The following ZZEF1 variants were observed in gnomAD, a reference collection of about 807,000 sequenced individuals.
ZZEF1 encodes zinc finger ZZ-type and EF-hand domain containing 1.
ZZEF1 carries 157 observed loss-of-function variants against 342.8 expected under a neutral mutation model. The observed-to-expected ratio is 0.46, with a 90% confidence interval of 0.40 to 0.52. The LOEUF (loss-of-function observed/expected upper bound fraction) is 0.52, where lower values mean the gene tolerates loss of function less well. Ranked by LOEUF, ZZEF1 falls within the 20% of genes least tolerant of loss-of-function variation. ZZEF1 has a pLI of 0.00. For missense variants in ZZEF1, 3,480 were observed against 3,725.6 expected, an observed-to-expected ratio of 0.93 and a Z score of 1.72; for synonymous variants, 1,505 against 1,429.1, an observed-to-expected ratio of 1.05 and a Z score of -1.20.
At chr17:4,074,397 G>C (rs1480516705) in intron 23 of ZZEF1, 46 bp from the exon 24 acceptor site, 4 of 1,591,150 alleles carry the variant, frequency 2.5e-6, no homozygotes, top group Non-Finnish European at 3.4e-6. Flanking sequence ...TAGAGGAGGA[G>C]TGCTTCAGAA....
At position 4,013,503 on chromosome 17, in the gene ZZEF1, T is replaced by G. The variant is rs761262540; in HGVS notation, c.8525A>C (p.Gln2842Pro). Residue 2842 changes from glutamine to proline, a missense_variant, in exon 52 of 55, where the codon CAA becomes CCA. Physicochemically the swap from Gln to Pro is moderately conservative, Grantham distance 76 (BLOSUM62 -1). This residue lies in a region of ZZEF1 where 1,269 missense variants were observed against 1,342.4 expected (regional missense o/e 0.95). Coordinates refer to ENST00000381638, the MANE Select transcript of ZZEF1 (RefSeq NM_015113.4). ...VGVACRQTGH[Q>P]RLKAIHLLLR... ...AAGTAAGTGGATGGCTTTTAATCGT[T>G]GATGGCCAGTCTGGCGACAGGCCAC... The G allele has an allele frequency of 2.4e-5, 38 of 1,613,842 alleles. No homozygotes were observed. The highest frequency in any genetic ancestry group is 3.1e-5 in the Non-Finnish European group (36 of 1,179,884).
intron 1 of ZZEF1, among the ~76,000 whole-genome samples, chr17:4,128,613 C>T (rs2058614409): frequency 6.6e-6 from 1 of 151,526 alleles, no homozygotes; most frequent in South Asian, 2.1e-4. Context: ...GCATGCACCA[C>T]CACACCTGGC....
At position 4,059,244 on chromosome 17, in the gene ZZEF1, T is replaced by C. The variant is rs754158835; in HGVS notation, c.4930A>G (p.Ile1644Val). ...EGCGADLHKE[I>V]RDTYYQLVLF... ...ACAAGTTGATAGTAAGTGTCTCGAA[T>C]TTCTTTGTGTAGATCAGCACCACAG... is the stretch of plus-strand genomic sequence containing the variant. Residue 1644 changes from isoleucine (I) to valine (V), a missense_variant, in exon 31 of 55, where the codon ATT becomes GTT. By Grantham distance (29) the Ile-to-Val change is conservative (BLOSUM62 3). This residue lies in a region of ZZEF1 where 1,528 missense variants were observed against 1,624.1 expected (regional missense o/e 0.94). Transcript: ENST00000381638. The C allele has an allele frequency of 6.2e-7, 1 of 1,607,868 alleles. No homozygotes were observed. The highest frequency in any genetic ancestry group is 1.1e-5 in the South Asian group (1 of 88,790).
At chr17:4,018,060 AGTT>A in intron 46 of ZZEF1, 89 bp from the exon 47 acceptor site, 2 of 1,538,872 alleles carry the variant, frequency 1.3e-6, no homozygotes, top group Non-Finnish European at 1.8e-6. Context: ...TGTTCTTCAG[AGTT>A]GTTCTTCTGT....
At chr17:4,072,532 G>A (rs1567815161) in intron 25 of ZZEF1, 76 bp downstream of exon 25, 2 of 1,467,216 alleles carry the variant, frequency 1.4e-6, no homozygotes, top group East Asian at 2.4e-5. Context: ...AGAAACACAA[G>A]TGTTTATAAC....
intron 37 of ZZEF1, among the ~76,000 whole-genome samples, chr17:4,048,495 G>A (rs1183868945): frequency 6.6e-6 from 1 of 152,122 alleles, no homozygotes; most frequent in Admixed American, 6.5e-5. Context: ...AAGCTCTGGA[G>A]GCAGCATCAT....
chr17:4,122,778 T>C (rs1475274423), intron 2 of ZZEF1, among the ~76,000 whole-genome samples: 2 of 152,130 alleles, frequency 1.3e-5, no homozygotes, highest in Non-Finnish European at 2.9e-5. Flanking sequence ...CTGTGGTCAA[T>C]AAAGACGCCA....
chr17:4,039,556 C>T (rs1478779024), intron 39 of ZZEF1, among the ~76,000 whole-genome samples: 4 of 151,328 alleles, frequency 2.6e-5, no homozygotes, highest in Non-Finnish European at 5.9e-5. Context: ...CAAACAATGG[C>T]AGAAAGGCAT....
Position 4,006,696 on chromosome 17 carries a change from T to C in ZZEF1, c.*194A>G. The C allele has an allele frequency of 3.0e-6, 2 of 655,756 alleles. No homozygotes were observed. Among genetic ancestry groups the C allele is most frequent in the Non-Finnish European group, 2.7e-6 (1 of 365,326 alleles). The allele number at this position is 655,756 out of a possible 1,614,324, so 40.6% of individuals were successfully genotyped here. A position where few individuals can be genotyped will look rare whatever the true frequency, so the allele number is the denominator to read the frequency against. ...TGCACTGCTTGGCTTATTTTCACCA[T>C]GCTACAGCCTGTGCTTGTGTCCAGC... is the stretch of plus-strand genomic sequence containing the variant. On this transcript the variant is annotated 3_prime_UTR_variant, in exon 55 of 55. Coordinates refer to ENST00000381638, the MANE Select transcript of ZZEF1 (RefSeq NM_015113.4).
In ZZEF1 at chr17:4,141,776, GGGTAACCCT is replaced by G. The variant is rs1243131955; in HGVS notation, c.354+757_354+765del. On this transcript the variant is annotated intron_variant, in intron 1 of 54. Coordinates refer to ENST00000381638, the MANE Select transcript of ZZEF1 (RefSeq NM_015113.4). ...TAGTCTGTTTTACTAATGATTCACT[GGGTAACCCT>G]GGATCAGTCTTCTTAACTCGAAGTG... Among the ~76,000 whole-genome samples, 9 of 151,898 alleles carry G rather than the reference GGGTAACCCT, an allele frequency of 5.9e-5. No individual in the cohort carries two copies. In the South Asian group the frequency reaches 1.7e-3, roughly 28 times the overall value.
In ZZEF1 at chr17:4,086,577, A is replaced by G; in HGVS notation, c.2421T>C (p.Asp807=). ...LQSCFSVLQG[D]VLAASEEEKA... ...TTTCCTCCTCAGAAGCAGCCAGTAC[A>G]TCTCCCTGCAGCACAGAGAAGCAGC... is the stretch of plus-strand genomic sequence containing the variant. Residue 807 remains aspartate, a synonymous_variant, in exon 15 of 55, where the codon GAT becomes GAC. Coordinates refer to ENST00000381638, the MANE Select transcript of ZZEF1 (RefSeq NM_015113.4). 1 of 1,614,194 alleles carries G rather than the reference A, an allele frequency of 6.2e-7. No individual in the cohort carries two copies. The highest frequency in any genetic ancestry group is 8.5e-7 in the Non-Finnish European group (1 of 1,180,022).
chr17:4,076,921 T>G lies in ZZEF1; in HGVS notation c.3058A>C (p.Thr1020Pro). Residue 1020 changes from threonine (T) to proline (P), a missense_variant, in exon 20 of 55, where the codon ACC (threonine) becomes CCC (proline). Physicochemically the swap from Thr to Pro is conservative, Grantham distance 38 (BLOSUM62 -1). This residue lies in a region of ZZEF1 where 1,528 missense variants were observed against 1,624.1 expected (regional missense o/e 0.94). Transcript: ENST00000381638. The stretch of plus-strand genomic sequence containing the variant: ...GAGTTACATAATCTTTCTACTATGG[T>G]TTTTCCACTGTACTGTGAGAAAAGG... The part of the protein sequence containing the change: ...ESLFSQYSGK[T>P]IVERLCNSVF... 1 of 1,614,224 alleles carries G rather than the reference T, an allele frequency of 6.2e-7. No homozygotes were observed. Among genetic ancestry groups the G allele is most frequent in the Non-Finnish European group, 8.5e-7 (1 of 1,180,032 alleles).
In ZZEF1 at chr17:4,016,429, A is replaced by G; in HGVS notation, c.8039T>C (p.Met2680Thr). The G allele has an allele frequency of 6.2e-7, 1 of 1,613,824 alleles. No individual in the cohort carries two copies. The highest frequency in any genetic ancestry group is 8.5e-7 in the Non-Finnish European group (1 of 1,179,976). The change falls in exon 49 of 55, where the codon ATG (methionine) becomes ACG (threonine). Residue 2680 changes from methionine (M) to threonine (T), a missense_variant. Met to Thr is a moderately conservative substitution (Grantham distance 81, BLOSUM62 -1). Coordinates refer to ENST00000381638, the MANE Select transcript of ZZEF1 (RefSeq NM_015113.4). This position sits in a 1 kb window ranked among gnomAD's most constrained non-coding sequence, Gnocchi z 4.4. ...TGCAGCCAGGGCCATGGTCCCCAGCATGTCCTCTCGGCAGCCCTGGAGCAC... is the reference window on the plus strand; with the variant it reads ...TGCAGCCAGGGCCATGGTCCCCAGCGTGTCCTCTCGGCAGCCCTGGAGCAC... ...QKVLQGCREDMLGTMALAACQ... is the reference protein window; with the variant it reads ...QKVLQGCREDTLGTMALAACQ...
At chr17:4,063,029 G>A (rs1252713745) in intron 29 of ZZEF1, 112 bp from the exon 30 acceptor site, 26 of 1,130,818 alleles carry the variant, frequency 2.3e-5, no homozygotes, top group Non-Finnish European at 2.9e-5. Context: ...ACACTATTGT[G>A]AGGTATTAGA....
chr17:4,108,541 C>T (rs761541420), intron 6 of ZZEF1, among the ~76,000 whole-genome samples: 2 of 152,108 alleles, frequency 1.3e-5, no homozygotes, highest in South Asian at 2.1e-4. Flanking sequence ...ACTGGGGCAA[C>T]GTGCAAAACT....
chr17:4,121,837 C>T lies in ZZEF1; in HGVS notation c.499+2070G>A, dbSNP rs1312529880. Among the ~76,000 whole-genome samples the T allele has an allele frequency of 2.6e-5, 4 of 151,898 alleles. No homozygotes were observed. The South Asian group carries it at 6.2e-4, about 24-fold the overall frequency. On this transcript the variant is annotated intron_variant, in intron 2 of 54. Transcript: ENST00000381638. ...TCCTGGTCTCAAGCAATCCTCCTGC[C>T]TCAGTATCCCGAGTAGCTGGGACCA...
rs1056660394 is a variant in ZZEF1, at chr17:4,004,642, G to T, written c.*2248C>A. ...GTGATGAAAATACGTCACTCCTCTC[G>T]TTAGGAACAGTGTCTGTTTGTACAA... On this transcript the variant is annotated 3_prime_UTR_variant, in exon 55 of 55. Coordinates refer to ENST00000381638, the MANE Select transcript of ZZEF1 (RefSeq NM_015113.4). The T allele has an allele frequency of 6.6e-6, 1 of 152,498 alleles. No homozygotes were observed. Among genetic ancestry groups the T allele is most frequent in the African/African-American group, 2.4e-5 (1 of 41,454 alleles). 9.4% of individuals were successfully genotyped at this position (152,498 alleles called of 1,614,324 possible). A position where few individuals can be genotyped will look rare whatever the true frequency, so the allele number is the denominator to read the frequency against.
chr17:4,021,263 C>T lies in ZZEF1; in HGVS notation c.7270G>A (p.Gly2424Arg), dbSNP rs751471664. Reference protein sequence around the residue: ...KKEINALAEHGDLELDERGDR... With the variant: ...KKEINALAEHRDLELDERGDR... ...CCTCGCTCATCCAGCTCTAGGTCTC[C>T]GTGCTCAGCCAAAGCGTTGATCTCC... Residue 2424 changes from glycine to arginine, a missense_variant, in exon 45 of 55, where the codon GGA (glycine) becomes AGA (arginine). Gly to Arg is a moderately radical substitution (Grantham distance 125). Transcript: ENST00000381638. The T allele has an allele frequency of 8.1e-6, 13 of 1,614,072 alleles. No homozygotes were observed. Among genetic ancestry groups the T allele is most frequent in the African/African-American group, 4.0e-5 (3 of 74,926 alleles).
chr17:4,123,806 G>T, intron 2 of ZZEF1, 101 bp downstream of exon 2: 1 of 1,338,464 alleles, frequency 7.5e-7, no homozygotes, highest in Non-Finnish European at 1.0e-6. Flanking sequence ...GAACACTGTT[G>T]GGGGAGTTTA....
Sources: allele counts gnomAD v4.1 joint callset (sites outside exome capture counted in the v4.1 genomes callset), GRCh38; gene constraint gnomAD v4.1.1; regional missense constraint gnomAD v4.1.1; non-coding constraint Gnocchi (gnomAD v3.1); transcripts MANE v1.5; gene names NCBI Gene and HGNC (gene_info 2026-07-23, HGNC 2026-07-21).